EIF4ENIF1: variants seen among roughly 807,000 people sequenced by gnomAD.
EIF4ENIF1 encodes eukaryotic translation initiation factor 4E nuclear import factor 1.
A neutral mutation model predicts 110.5 loss-of-function variants in EIF4ENIF1; 23 were observed. The observed-to-expected ratio is 0.21, with a 90% CI of 0.15 to 0.29. The LOEUF is 0.29. Ranked by LOEUF, EIF4ENIF1 falls within the 10% of genes least tolerant of loss-of-function variation. The pLI is 1.00. For synonymous variants in EIF4ENIF1, 440 were observed against 437.0 expected, an observed-to-expected ratio of 1.01 and a Z score of -0.09; for missense variants, 1,031 against 1,221.1, an observed-to-expected ratio of 0.84 and a Z score of 2.32.
intron 2 of EIF4ENIF1, among the ~76,000 whole-genome samples, chr22:31,475,715 TC>T (rs2051546339): frequency 8.3e-6 from 1 of 120,048 alleles, no homozygotes. Context: ...AGAGCGAGAC[TC>T]CGTTTAAAAA....
intron 2 of EIF4ENIF1, among the ~76,000 whole-genome samples, chr22:31,484,567 C>G (rs1417884529): frequency 6.6e-6 from 1 of 151,722 alleles, no homozygotes; most frequent in African/African-American, 2.4e-5. Flanking sequence ...CACCGGCCGG[C>G]TCACACCTGT....
chr22:31,482,984 A>G (rs542683272), intron 2 of EIF4ENIF1, among the ~76,000 whole-genome samples: 1 of 151,828 alleles, frequency 6.6e-6, no homozygotes, highest in Non-Finnish European at 1.5e-5. Flanking sequence ...ACATAGGGCC[A>G]CTGCACTCCA....
intron 2 of EIF4ENIF1, among the ~76,000 whole-genome samples, chr22:31,485,441 T>C (rs1231017409): frequency 2.0e-5 from 3 of 152,054 alleles, no homozygotes; most frequent in Non-Finnish European, 2.9e-5. Flanking sequence ...AAAGATGAAA[T>C]ATACATGTTA....
chr22:31,478,255 C>T (rs369050029), intron 2 of EIF4ENIF1, among the ~76,000 whole-genome samples: 2 of 152,136 alleles, frequency 1.3e-5, no homozygotes, highest in African/African-American at 2.4e-5. Flanking sequence ...TGGCTGACAC[C>T]TGTAATCTCA....
At chr22:31,474,430 G>C (rs1276932874) in intron 2 of EIF4ENIF1, among the ~76,000 whole-genome samples, 1 of 151,232 alleles carries the variant, frequency 6.6e-6, no homozygotes, top group Non-Finnish European at 1.5e-5. Context: ...AACTGTCCCA[G>C]ATTTTGCCAG....
rs534518792 is a variant in EIF4ENIF1, at chr22:31,442,941, C to T, written c.2206+21G>A. ...CCATCACATACTTTCTTGAGCAGTG[C>T]CCTTAACAGCTCTGCAGTACCTTCA... On this transcript the variant is annotated intron_variant, in intron 16 of 18. Coordinates refer to ENST00000330125, the MANE Select transcript of EIF4ENIF1 (RefSeq NM_019843.4). 3.1e-6 allele frequency: 5 copies of T among 1,612,938 alleles called. No individual in the cohort carries two copies. The South Asian group carries it at 3.3e-5, about 11-fold the overall frequency.
At chr22:31,492,660 T>C (rs921429770), upstream of EIF4ENIF1, among the ~76,000 whole-genome samples, 1 of 152,268 alleles carries the variant, frequency 6.6e-6, no homozygotes, top group Middle Eastern at 3.2e-3. Context: ...AAAAGCTAGA[T>C]GCTTACAAAT....
intron 6 of EIF4ENIF1, among the ~76,000 whole-genome samples, chr22:31,459,658 G>A (rs944728665): frequency 2.0e-5 from 3 of 152,208 alleles, no homozygotes; most frequent in Non-Finnish European, 2.9e-5. Context: ...GTAGTGCCAG[G>A]TATACTCTAC....
intron 10 of EIF4ENIF1, chr22:31,450,843 C>CCACACA (rs1569073447): frequency 8.3e-5 from 8 of 96,934 alleles, no homozygotes; most frequent in South Asian, 8.0e-4. Context: ...TATATATATA[C>CCACACA]TACACACACA....
intron 16 of EIF4ENIF1, among the ~76,000 whole-genome samples, chr22:31,442,722 C>T (rs752336033): frequency 1.3e-5 from 2 of 152,226 alleles, no homozygotes; most frequent in Non-Finnish European, 2.9e-5. Flanking sequence ...AACACTCATT[C>T]TACCCGTCTG....
intron 18 of EIF4ENIF1, 151 bp from the exon 19 acceptor site, chr22:31,440,272 C>A: frequency 8.4e-7 from 1 of 1,191,662 alleles, no homozygotes; most frequent in Non-Finnish European, 1.2e-6. Context: ...CCAACAATGC[C>A]AGAAAACAGT....
intron 2 of EIF4ENIF1, among the ~76,000 whole-genome samples, chr22:31,473,838 C>T (rs1229150413): frequency 6.6e-6 from 1 of 152,146 alleles, no homozygotes; most frequent in Non-Finnish European, 1.5e-5. Flanking sequence ...TGTGGGGAGA[C>T]ACTTTAAAAT....
chr22:31,446,342 T>C (rs1012890700), intron 14 of EIF4ENIF1, among the ~76,000 whole-genome samples: 1 of 147,730 alleles, frequency 6.8e-6, no homozygotes, highest in Non-Finnish European at 1.5e-5. Context: ...CAATGAATAC[T>C]AGGTAACTGC....
chr22:31,490,187 G>T (rs573535479), upstream of EIF4ENIF1, among the ~76,000 whole-genome samples: 1 of 152,242 alleles, frequency 6.6e-6, no homozygotes, highest in Admixed American at 6.5e-5. Flanking sequence ...CGCGACTCGC[G>T]GCACGCCACT....
In EIF4ENIF1 at chr22:31,452,943, T is replaced by C. The variant is rs796316620; in HGVS notation, c.1512+1201A>G. 5.9e-5 allele frequency among the ~76,000 whole-genome samples: 9 copies of C among 152,302 alleles called. 1 individual carries two copies. Among genetic ancestry groups the C allele is most frequent in the African/African-American group, 2.2e-4 (9 of 41,564 alleles). Reference sequence around the variant, plus strand: ...TCAGATAAGGAATGCTAAAAGTCAGTTGCTTTCTTTTGGTATAAGACATAA... The same window carrying C: ...TCAGATAAGGAATGCTAAAAGTCAGCTGCTTTCTTTTGGTATAAGACATAA... On this transcript the variant is annotated intron_variant, in intron 10 of 18. Transcript: ENST00000330125.
At chr22:31,444,898 T>C (rs1424776499) in intron 14 of EIF4ENIF1, among the ~76,000 whole-genome samples, 1 of 152,150 alleles carries the variant, frequency 6.6e-6, no homozygotes, top group East Asian at 1.9e-4. Context: ...GTCCCAGTCT[T>C]GTAAGAGCTC....
Position 31,471,912 on chromosome 22 carries a change from T to A in EIF4ENIF1, c.102A>T (p.Glu34Asp), listed in dbSNP as rs2051393930. The change falls in exon 3 of 19, where the codon GAA becomes GAT. Residue 34 changes from glutamate to aspartate, a missense_variant. Physicochemically the swap from Glu to Asp is conservative, Grantham distance 45 (BLOSUM62 2). Transcript: ENST00000330125. ...GGGGGAGTTCTTTTATATCCAAGAG[T>A]TCTTCCTAAAAAGAGAAGTCAAATA... ...SKCPHRYTKE[E>D]LLDIKELPHS... 1 of 1,595,696 alleles carries A rather than the reference T, an allele frequency of 6.3e-7. No individual in the cohort carries two copies. The highest frequency in any genetic ancestry group is 8.5e-7 in the Non-Finnish European group (1 of 1,175,472).
upstream of EIF4ENIF1, among the ~76,000 whole-genome samples, chr22:31,492,636 C>T (rs1303450191): frequency 6.6e-6 from 1 of 152,234 alleles, no homozygotes; most frequent in African/African-American, 2.4e-5. Context: ...AAACTTCTTT[C>T]ACCTGTGCCT....
chr22:31,451,565 C>T (rs552736584), intron 10 of EIF4ENIF1, among the ~76,000 whole-genome samples: 1 of 152,218 alleles, frequency 6.6e-6, no homozygotes, highest in African/African-American at 2.4e-5. Context: ...TGAGCCACCG[C>T]ACCCGGCAAC....
Sources: allele counts gnomAD v4.1 joint callset (sites outside exome capture counted in the v4.1 genomes callset), GRCh38; gene constraint gnomAD v4.1.1; transcripts MANE v1.5; gene names NCBI Gene and HGNC (gene_info 2026-07-23, HGNC 2026-07-21).